Variants in PDCD6IP observed in about 807,000 individuals in gnomAD.
PDCD6IP encodes the protein programmed cell death 6-interacting protein.
Under a neutral mutation model 103.7 loss-of-function variants are expected in PDCD6IP, and 43 were observed. The observed-to-expected ratio is 0.41, with a 90% CI of 0.32 to 0.53. PDCD6IP has a LOEUF of 0.53. PDCD6IP is among the 20% of genes least tolerant of loss of function. The probability of loss-of-function intolerance (pLI) is 0.16; values close to 1 mark genes in which losing one functional copy is unlikely to be tolerated. For missense variants in PDCD6IP, 871 were observed against 1,036.7 expected, an observed-to-expected ratio of 0.84 and a Z score of 2.20; for synonymous variants, 354 against 378.7, an observed-to-expected ratio of 0.93 and a Z score of 0.76.
At position 33,866,440 on chromosome 3, in the gene PDCD6IP, C is replaced by T; in HGVS notation, c.2522C>T (p.Pro841Leu). The T allele has an allele frequency of 6.2e-7, 1 of 1,611,836 alleles. No homozygotes were observed. The highest frequency in any genetic ancestry group is 8.5e-7 in the Non-Finnish European group (1 of 1,179,174). Reference protein sequence around the residue: ...MPYPPVYHQSPGQAPYPGPQQ... With the variant: ...MPYPPVYHQSLGQAPYPGPQQ... Reference sequence around the variant, plus strand: ...TATCCACCAGTGTATCACCAGAGTCCTGGACAGGCTCCATACCCGGGACCC... The same window carrying T: ...TATCCACCAGTGTATCACCAGAGTCTTGGACAGGCTCCATACCCGGGACCC... The change falls in exon 18 of 18, where the codon CCT (proline) becomes CTT (leucine). Residue 841 changes from proline (P) to leucine (L), a missense_variant. Physicochemically the swap from Pro to Leu is moderately conservative, Grantham distance 98. This residue lies in a region of PDCD6IP where 202 missense variants were observed against 205.2 expected (regional missense o/e 0.98). Coordinates refer to ENST00000307296, the MANE Select transcript of PDCD6IP (RefSeq NM_013374.6).
chr3:33,861,456 A>G (rs1697952589), intron 15 of PDCD6IP, among the ~76,000 whole-genome samples: 1 of 152,074 alleles, frequency 6.6e-6, no homozygotes, highest in Non-Finnish European at 1.5e-5. Context: ...TGTATTTTAT[A>G]CTTACAACAC....
In PDCD6IP at chr3:33,825,227, T is replaced by A. The variant is rs1438390348; in HGVS notation, c.503T>A (p.Leu168Ter). ...TTTTTACATATTAAAGAGACGGTTTTATCTGCCTTAAGTCGAGAGCCGACC... is the reference window on the plus strand; with the variant it reads ...TTTTTACATATTAAAGAGACGGTTTAATCTGCCTTAAGTCGAGAGCCGACC... ...GAFLHIKETVLSALSREPTVD... is the reference protein window; with the variant it reads ...GAFLHIKETV The change falls in exon 5 of 18, where the codon TTA (leucine) becomes TAA (stop). Residue 168 changes from leucine to a stop codon, truncating the protein, a stop_gained. Coordinates refer to ENST00000307296, the MANE Select transcript of PDCD6IP (RefSeq NM_013374.6). LOFTEE classifies it high-confidence loss of function. 6.2e-7 allele frequency: 1 copy of A among 1,612,940 alleles called. No homozygotes were observed.
chr3:33,855,489 C>T (rs1053126437), intron 15 of PDCD6IP, among the ~76,000 whole-genome samples: 3 of 152,286 alleles, frequency 2.0e-5, no homozygotes, highest in Admixed American at 6.5e-5. Flanking sequence ...AGTGAGGTCA[C>T]AGAAATGATA....
intron 7 of PDCD6IP, among the ~76,000 whole-genome samples, chr3:33,830,736 C>G (rs752633020): frequency 6.6e-6 from 1 of 152,098 alleles, no homozygotes; most frequent in Non-Finnish European, 1.5e-5. Context: ...AGAACACACT[C>G]ACTGATCCAT....
chr3:33,846,203 A>G (rs1697588935), intron 12 of PDCD6IP, among the ~76,000 whole-genome samples: 1 of 152,238 alleles, frequency 6.6e-6, no homozygotes, highest in Non-Finnish European at 1.5e-5. Flanking sequence ...CTGCACAGGA[A>G]AACAAGCGAA....
chr3:33,825,487 T>G, intron 5 of PDCD6IP, 147 bp downstream of exon 5: 1 of 645,676 alleles, frequency 1.5e-6, no homozygotes, highest in Non-Finnish European at 2.5e-6. Flanking sequence ...AGCTATCCTT[T>G]TCTGAATTTG....
intron 16 of PDCD6IP, 45 bp downstream of exon 16, chr3:33,864,174 G>A (rs1367600197): frequency 2.7e-6 from 3 of 1,113,312 alleles, no homozygotes; most frequent in Non-Finnish European, 4.1e-6. Context: ...TTACATTAAC[G>A]ATGATTACTT....
chr3:33,810,210 A>C (rs1006476706), intron 1 of PDCD6IP, among the ~76,000 whole-genome samples: 1 of 152,156 alleles, frequency 6.6e-6, no homozygotes, highest in East Asian at 1.9e-4. Flanking sequence ...CATCTAGACT[A>C]TGGTACCGTA....
chr3:33,819,699 G>T (rs932132869), intron 3 of PDCD6IP, among the ~76,000 whole-genome samples: 9 of 152,334 alleles, frequency 5.9e-5, no homozygotes, highest in Middle Eastern at 3.4e-3. Context: ...GATTCTCCTA[G>T]ATTGGTTTGT....
chr3:33,815,090 T>C (rs1696817088), intron 3 of PDCD6IP, among the ~76,000 whole-genome samples: 1 of 149,042 alleles, frequency 6.7e-6, no homozygotes, highest in Non-Finnish European at 1.5e-5. Flanking sequence ...GTGCATACCA[T>C]ATACATACAT....
rs1697034013 is a variant in PDCD6IP, at chr3:33,823,173, G to GGT, written c.462+1091_462+1092insGT. On this transcript the variant is annotated intron_variant, in intron 4 of 17. Coordinates refer to ENST00000307296, the MANE Select transcript of PDCD6IP (RefSeq NM_013374.6). ...TTACATACGAGGAGGCTAAAGGTCC[G>GGT]AAGTCTTAATAAAGCAGTCTATTTG... Among the ~76,000 whole-genome samples the GGT allele has an allele frequency of 2.0e-5, 3 of 152,172 alleles. No homozygotes were observed. In the South Asian group the frequency reaches 6.2e-4, roughly 32 times the overall value.
At chr3:33,839,214 CCTT>C (rs1312795490) in intron 9 of PDCD6IP, among the ~76,000 whole-genome samples, 5 of 152,206 alleles carry the variant, frequency 3.3e-5, no homozygotes, top group Admixed American at 6.5e-5. Context: ...CTTTCCCAGT[CCTT>C]CTTCTTTTAG....
chr3:33,866,273 C>T (rs1237719001), intron 17 of PDCD6IP, 78 bp from the exon 18 acceptor site: 9 of 922,622 alleles, frequency 9.8e-6, no homozygotes, highest in East Asian at 2.9e-5. Flanking sequence ...TCATGAAAAA[C>T]GTAGTTCTAG....
intron 15 of PDCD6IP, among the ~76,000 whole-genome samples, chr3:33,856,508 A>C (rs1343171704): frequency 6.6e-6 from 1 of 152,212 alleles, no homozygotes; most frequent in African/African-American, 2.4e-5. Context: ...TAATATAGGC[A>C]AAACTGAATT....
intron 2 of PDCD6IP, among the ~76,000 whole-genome samples, chr3:33,812,885 C>G (rs1575903708): frequency 6.6e-6 from 1 of 152,072 alleles, no homozygotes; most frequent in Non-Finnish European, 1.5e-5. Context: ...TTTAGTTTTT[C>G]TGTATGTTTG....
At chr3:33,862,806 A>G (rs1697982165) in intron 15 of PDCD6IP, among the ~76,000 whole-genome samples, 1 of 152,214 alleles carries the variant, frequency 6.6e-6, no homozygotes, top group Non-Finnish European at 1.5e-5. Flanking sequence ...GTTTTCTGAT[A>G]ACTTTTAGAT....
chr3:33,837,657 C>T (rs1363730600), intron 8 of PDCD6IP, among the ~76,000 whole-genome samples: 5 of 151,468 alleles, frequency 3.3e-5, no homozygotes, highest in Non-Finnish European at 7.4e-5. Flanking sequence ...GGTGCAATCT[C>T]GGCTCACTGC....
intron 12 of PDCD6IP, among the ~76,000 whole-genome samples, chr3:33,847,949 C>T (rs528803371): frequency 2.6e-5 from 4 of 151,748 alleles, no homozygotes; most frequent in Non-Finnish European, 5.9e-5. Flanking sequence ...CAAAGTGTTA[C>T]ATCTGCTGGG....
intron 1 of PDCD6IP, among the ~76,000 whole-genome samples, chr3:33,803,907 T>A (rs1208067102): frequency 6.6e-6 from 1 of 152,234 alleles, no homozygotes; most frequent in Non-Finnish European, 1.5e-5. Context: ...TTTCTCAGTC[T>A]GTATTGGTTG....
Sources: allele counts gnomAD v4.1 joint callset (sites outside exome capture counted in the v4.1 genomes callset), GRCh38; gene constraint gnomAD v4.1.1; regional missense constraint gnomAD v4.1.1; transcripts MANE v1.5; gene names NCBI Gene and HGNC (gene_info 2026-07-23, HGNC 2026-07-21).